The following CFAP20 variants were observed in gnomAD, a reference collection of about 807,000 sequenced individuals.
CFAP20 encodes the protein cilia and flagella associated protein 20.
Under a neutral mutation model 25.5 loss-of-function variants are expected in CFAP20, and 14 were observed. The observed-to-expected ratio is 0.55, with a 90% confidence interval of 0.36 to 0.86. CFAP20 has a LOEUF of 0.86. Ranked by LOEUF, CFAP20 falls within the 40% of genes least tolerant of loss-of-function variation. CFAP20 has a pLI of 0.01. For synonymous variants in CFAP20, 75 were observed against 91.1 expected (o/e 0.82, Z 1.01); for missense variants, 181 against 248.0 (o/e 0.73, Z 1.81).
Position 58,114,021 on chromosome 16 carries a change from C to A in CFAP20, c.*4G>T. Reference sequence around the variant, plus strand: ...GGGGTCTATCCCTCGAGTCACAATTCCAGTTATTGCTGAAGGGAAAAAACA... The same window carrying A: ...GGGGTCTATCCCTCGAGTCACAATTACAGTTATTGCTGAAGGGAAAAAACA... On this transcript the variant is annotated 3_prime_UTR_variant, in exon 6 of 6. Transcript: ENST00000262498. 1 of 1,613,694 alleles carries A rather than the reference C, an allele frequency of 6.2e-7. No homozygotes were observed. Among genetic ancestry groups the A allele is most frequent in the Middle Eastern group, 1.6e-4 (1 of 6,062 alleles).
At chr16:58,120,751 T>C (rs74019799) in intron 1 of CFAP20, among the ~76,000 whole-genome samples, 4,826 of 152,298 alleles carry the variant, frequency 0.032, 103 homozygotes, top group East Asian at 0.089. Flanking sequence ...AATGAATGAA[T>C]GTATTCCACA....
At position 58,117,729 on chromosome 16, in the gene CFAP20, G is replaced by A. The variant is rs996896535; in HGVS notation, c.85-778C>T. ...ATTACAGGCATGGGCCACTGCGCCC[G>A]TCCTGCCTTGTATATTTCTTTGGCC... On this transcript the variant is annotated intron_variant, in intron 1 of 5. Transcript: ENST00000262498. 1.2e-4 allele frequency among the ~76,000 whole-genome samples: 18 copies of A among 152,162 alleles called. No homozygotes were observed. In the South Asian group the frequency reaches 1.4e-3, roughly 12 times the overall value.
At chr16:58,126,931 A>C (rs535702005) in intron 1 of CFAP20, among the ~76,000 whole-genome samples, 5 of 152,280 alleles carry the variant, frequency 3.3e-5, no homozygotes, top group African/African-American at 1.2e-4. Flanking sequence ...AAAATCCTCA[A>C]TTCTAAATAT....
chr16:58,120,199 A>T (rs1453854460), intron 1 of CFAP20, among the ~76,000 whole-genome samples: 1 of 152,272 alleles, frequency 6.6e-6, no homozygotes, highest in East Asian at 1.9e-4. Flanking sequence ...CACTACTTTT[A>T]TAACACACCA....
chr16:58,117,760 A>G (rs760088022), intron 1 of CFAP20, among the ~76,000 whole-genome samples: 1 of 152,220 alleles, frequency 6.6e-6, no homozygotes, highest in Non-Finnish European at 1.5e-5. Flanking sequence ...TGGCCAGAAA[A>G]GCCAAAGAAA....
At chr16:58,125,714 G>C (rs1208842114) in intron 1 of CFAP20, among the ~76,000 whole-genome samples, 1 of 152,114 alleles carries the variant, frequency 6.6e-6, no homozygotes, top group Non-Finnish European at 1.5e-5. Flanking sequence ...TAATGATAAA[G>C]AGTATAGTAA....
chr16:58,118,135 A>G (rs559008976), intron 1 of CFAP20, among the ~76,000 whole-genome samples: 1 of 152,356 alleles, frequency 6.6e-6, no homozygotes, highest in Admixed American at 6.5e-5. Context: ...CAAGCATTAA[A>G]CTTTTAAGCA....
Position 58,115,364 on chromosome 16 carries a change from G to A in CFAP20, c.370C>T (p.Arg124Trp), listed in dbSNP as rs748479016. ...VKPFICTMPM[R>W]LDDGWNQIQF... ...ATCTGGTTCCAGCCGTCATCCAGCC[G>A]CATGGGCATGGTGCAGATGAAGGGT... Residue 124 changes from arginine (R) to tryptophan (W), a missense_variant, in exon 4 of 6, where the codon CGG becomes TGG. Physicochemically the swap from Arg to Trp is moderately radical, Grantham distance 101. Coordinates refer to ENST00000262498, the MANE Select transcript of CFAP20 (RefSeq NM_013242.3). 4.3e-6 allele frequency: 7 copies of A among 1,614,226 alleles called. No individual in the cohort carries two copies. The highest frequency in any genetic ancestry group is 2.2e-5 in the East Asian group (1 of 44,880).
intron 1 of CFAP20, among the ~76,000 whole-genome samples, chr16:58,127,550 C>A (rs1460771213): frequency 6.6e-6 from 1 of 152,202 alleles, no homozygotes; most frequent in Non-Finnish European, 1.5e-5. Flanking sequence ...GCACCCTGGG[C>A]TCTCTTTGTA....
intron 1 of CFAP20, among the ~76,000 whole-genome samples, chr16:58,122,224 C>T (rs1357689860): frequency 6.6e-6 from 1 of 152,234 alleles, no homozygotes; most frequent in African/African-American, 2.4e-5. Flanking sequence ...CATACACCAA[C>T]AACCCCTAAG....
At chr16:58,128,986 G>T in intron 1 of CFAP20, 46 bp downstream of exon 1, 20 of 1,582,588 alleles carry the variant, frequency 1.3e-5, no homozygotes, top group Non-Finnish European at 1.6e-5. Flanking sequence ...GGACGAGGAG[G>T]GGGTGCAGCC....
Position 58,114,860 on chromosome 16 carries a change from C to T in CFAP20, c.526G>A (p.Glu176Lys). 1 of 1,614,148 alleles carries T rather than the reference C, an allele frequency of 6.2e-7. No individual in the cohort carries two copies. Among genetic ancestry groups the T allele is most frequent in the Non-Finnish European group, 8.5e-7 (1 of 1,180,016 alleles). Reference protein sequence around the residue: ...YFSDRLYSEDELPAEFKLYLP... With the variant: ...YFSDRLYSEDKLPAEFKLYLP... ...TACAGTTTGAACTCTGCCGGCAGCTCATCTTCTGAGTAGAGTCTGTCTGAG... is the reference window on the plus strand; with the variant it reads ...TACAGTTTGAACTCTGCCGGCAGCTTATCTTCTGAGTAGAGTCTGTCTGAG... Residue 176 changes from glutamate to lysine, a missense_variant, in exon 5 of 6, where the codon GAG (glutamate) becomes AAG (lysine). Physicochemically the swap from Glu to Lys is moderately conservative, Grantham distance 56 (BLOSUM62 1). Transcript: ENST00000262498.
chr16:58,125,038 A>C (rs975581519), intron 1 of CFAP20, among the ~76,000 whole-genome samples: 3 of 152,264 alleles, frequency 2.0e-5, no homozygotes, highest in Non-Finnish European at 4.4e-5. Flanking sequence ...TTGTAATAAC[A>C]CTTAGCTTAA....
rs947895630 is a variant in CFAP20 at position 58,128,993 on chromosome 16, A to T, written c.84+39T>A. The T allele has an allele frequency of 1.9e-6, 3 of 1,579,382 alleles. No individual in the cohort carries two copies. The African/African-American group carries it at 4.1e-5, about 21-fold the overall frequency. On this transcript the variant is annotated intron_variant, in intron 1 of 5. Transcript: ENST00000262498. ...CAGCCCCCGGACGAGGAGGGGGTGC[A>T]GCCCCTCCACCCCGCCCCGTCGCCG...
intron 2 of CFAP20, 74 bp from the exon 3 acceptor site, chr16:58,116,226 C>T (rs113401330): frequency 0.037 from 40,579 of 1,091,736 alleles, 1,245 homozygotes; most frequent in South Asian, 0.13. Flanking sequence ...CAATAACACA[C>T]GGTCCAAGAG....
chr16:58,125,609 A>T (rs1396373231), intron 1 of CFAP20, among the ~76,000 whole-genome samples: 1 of 152,134 alleles, frequency 6.6e-6, no homozygotes, highest in Non-Finnish European at 1.5e-5. Context: ...GCTTGAGCCC[A>T]GGAGATGGAG....
intron 1 of CFAP20, among the ~76,000 whole-genome samples, chr16:58,127,862 T>C (rs1423804827): frequency 2.0e-5 from 3 of 152,216 alleles, no homozygotes; most frequent in Non-Finnish European, 4.4e-5. Flanking sequence ...GCTGCTCATG[T>C]TCTCTCCCAA....
chr16:58,114,055 G>A (rs985594789), intron 5 of CFAP20, 25 bp from the exon 6 acceptor site: 2 of 1,612,816 alleles, frequency 1.2e-6, no homozygotes, highest in Non-Finnish European at 1.7e-6. Context: ...CAGAGAAGTG[G>A]CATCAGTTTA....
Position 58,129,348 on chromosome 16 carries a change from ACCGT to A in CFAP20, c.-237_-234del. 1 of 497,606 alleles carries A rather than the reference ACCGT, an allele frequency of 2.0e-6. No individual in the cohort carries two copies. The highest frequency in any genetic ancestry group is 3.6e-6 in the Non-Finnish European group (1 of 278,016). The allele number at this position is 497,606 out of a possible 1,614,324, so 30.8% of individuals were successfully genotyped here. ...GCTCAGAACGGAAACCACAGCAACT[ACCGT>A]CCGCGCCGCGGTATTTCCCCGCCTT... On this transcript the variant is annotated 5_prime_UTR_variant, in exon 1 of 6. Coordinates refer to ENST00000262498, the MANE Select transcript of CFAP20 (RefSeq NM_013242.3).
Sources: gnomAD v4.1 joint callset for allele counts (sites outside exome capture counted in the v4.1 genomes callset) on GRCh38, gnomAD v4.1.1 for gene constraint, MANE v1.5 for transcripts, NCBI Gene and HGNC (gene_info 2026-07-23, HGNC 2026-07-21) for gene names.